SNX3: variants seen among roughly 807,000 people sequenced by gnomAD.
SNX3 encodes the protein sorting nexin 3, also known as sorting nexin-3.
Under a neutral mutation model 17.7 loss-of-function variants are expected in SNX3, and 5 were observed. That is an observed-to-expected ratio of 0.28 (90% CI 0.15 to 0.59). The LOEUF (loss-of-function observed/expected upper bound fraction) is 0.59. Ranked by LOEUF, SNX3 falls within the 20% of genes least tolerant of loss-of-function variation. The pLI, the probability that SNX3 is intolerant of heterozygous loss-of-function variation, is 0.88. For synonymous variants in SNX3, 91 were observed against 76.5 expected (o/e 1.19, Z -0.99); for missense variants, 132 against 206.8 (o/e 0.64, Z 2.22).
At chr6:108,257,256 T>C (rs1230554985) in intron 1 of SNX3, among the ~76,000 whole-genome samples, 2 of 152,158 alleles carry the variant, frequency 1.3e-5, no homozygotes, top group African/African-American at 2.4e-5. Flanking sequence ...AGGTGGCTCA[T>C]GCCTGTAATT....
intron 2 of SNX3, among the ~76,000 whole-genome samples, chr6:108,215,773 TA>T (rs1351436163): frequency 1.3e-5 from 2 of 151,322 alleles, no homozygotes; most frequent in Non-Finnish European, 2.9e-5. Context: ...TCTACAAAAA[TA>T]AAAAAAACTT....
chr6:108,233,685 G>A (rs1775237984), intron 1 of SNX3, among the ~76,000 whole-genome samples: 1 of 152,182 alleles, frequency 6.6e-6, no homozygotes, highest in Admixed American at 6.5e-5. Flanking sequence ...GGAGGCGGAG[G>A]TTGCAGTGAG....
At chr6:108,220,920 G>T (rs1167113162) in intron 2 of SNX3, among the ~76,000 whole-genome samples, 1 of 151,946 alleles carries the variant, frequency 6.6e-6, no homozygotes, top group Non-Finnish European at 1.5e-5. Context: ...GATGGAGGTT[G>T]CAGTGAGCCG....
chr6:108,238,826 A>C lies in SNX3; in HGVS notation c.163-15781T>G, dbSNP rs1775432236. 3.3e-5 allele frequency among the ~76,000 whole-genome samples: 5 copies of C among 152,226 alleles called. No homozygotes were observed. In the South Asian group the frequency reaches 1.0e-3, roughly 32 times the overall value. ...CATGGGGTGGGGGGAAAATGCAAACAAACATATGTAAGTATAATTCAATAT... is the reference window on the plus strand; with the variant it reads ...CATGGGGTGGGGGGAAAATGCAAACCAACATATGTAAGTATAATTCAATAT... On this transcript the variant is annotated intron_variant, in intron 1 of 3. Transcript: ENST00000230085.
intron 1 of SNX3, among the ~76,000 whole-genome samples, chr6:108,244,034 G>A (rs1470896044): frequency 1.3e-5 from 2 of 152,184 alleles, no homozygotes; most frequent in Non-Finnish European, 2.9e-5. Context: ...AAAGTAGACT[G>A]TAAAACACAA....
intron 1 of SNX3, among the ~76,000 whole-genome samples, chr6:108,258,911 T>C (rs1776107806): frequency 6.6e-6 from 1 of 152,118 alleles, no homozygotes; most frequent in African/African-American, 2.4e-5. Flanking sequence ...TTTAATATAA[T>C]GCATTCAGCA....
chr6:108,249,640 G>A (rs1356470853), intron 1 of SNX3, among the ~76,000 whole-genome samples: 1 of 152,064 alleles, frequency 6.6e-6, no homozygotes, highest in African/African-American at 2.4e-5. Flanking sequence ...TTACATAAAA[G>A]GTTTCGAGTG....
At chr6:108,214,015 TA>T (rs929264862) in intron 3 of SNX3, among the ~76,000 whole-genome samples, 2 of 152,172 alleles carry the variant, frequency 1.3e-5, no homozygotes, top group African/African-American at 4.8e-5. Flanking sequence ...CAAGAGTTTC[TA>T]AAGTAAAAAA....
At chr6:108,226,939 T>TA (rs1774989031) in intron 1 of SNX3, among the ~76,000 whole-genome samples, 1 of 152,172 alleles carries the variant, frequency 6.6e-6, no homozygotes, top group Admixed American at 6.5e-5. Flanking sequence ...GTTCATTGTA[T>TA]AAATGACTAA....
intron 1 of SNX3, among the ~76,000 whole-genome samples, chr6:108,233,084 A>T (rs995192477): frequency 3.9e-5 from 6 of 152,252 alleles, no homozygotes; most frequent in African/African-American, 1.2e-4. Flanking sequence ...TATAATTTCC[A>T]AAACAGTAGA....
chr6:108,220,153 G>A (rs976098714), intron 2 of SNX3, among the ~76,000 whole-genome samples: 1 of 151,834 alleles, frequency 6.6e-6, no homozygotes, highest in Non-Finnish European at 1.5e-5. Flanking sequence ...AGTAAGCTAA[G>A]GTTAATTTAT....
intron 2 of SNX3, among the ~76,000 whole-genome samples, chr6:108,215,399 C>T (rs1039232183): frequency 6.6e-6 from 1 of 151,802 alleles, no homozygotes; most frequent in Non-Finnish European, 1.5e-5. Flanking sequence ...TTACCATCTG[C>T]ATACAGTCTT....
intron 1 of SNX3, among the ~76,000 whole-genome samples, chr6:108,253,666 T>G (rs1179368244): frequency 6.6e-6 from 1 of 152,208 alleles, no homozygotes; most frequent in Non-Finnish European, 1.5e-5. Flanking sequence ...GTTTTACTAT[T>G]TTAGAATCTA....
chr6:108,221,522 C>T (rs1407955250), intron 2 of SNX3, among the ~76,000 whole-genome samples: 1 of 127,416 alleles, frequency 7.8e-6, no homozygotes, highest in Non-Finnish European at 1.6e-5. Flanking sequence ...ACAAGGAATA[C>T]AGTATTACAC....
At chr6:108,214,243 T>C (rs1189942384) in intron 3 of SNX3, among the ~76,000 whole-genome samples, 2 of 152,246 alleles carry the variant, frequency 1.3e-5, no homozygotes, top group African/African-American at 4.8e-5. Context: ...TAATTTTAAA[T>C]GTAATTTGCA....
At chr6:108,256,400 A>G (rs1267993782) in intron 1 of SNX3, among the ~76,000 whole-genome samples, 1 of 152,252 alleles carries the variant, frequency 6.6e-6, no homozygotes, top group Non-Finnish European at 1.5e-5. Context: ...CAGAAAATGT[A>G]GTTGATCACT....
chr6:108,223,207 C>T (rs1055635038), intron 1 of SNX3, among the ~76,000 whole-genome samples, 162 bp from the exon 2 acceptor site: 3 of 152,136 alleles, frequency 2.0e-5, no homozygotes, highest in Non-Finnish European at 2.9e-5. Flanking sequence ...GGCACGATCT[C>T]GGCTCACTGC....
At chr6:108,246,313 CTTTTTTTTTTTTTTT>C (rs71015538) in intron 1 of SNX3, among the ~76,000 whole-genome samples, 8 of 47,982 alleles carry the variant, frequency 1.7e-4, no homozygotes, top group Admixed American at 6.0e-4. Context: ...TTTGAGCATT[CTTTTTTTTTTTTTTT>C]TTTTTTTTTT....
chr6:108,242,015 T>C (rs1190489504), intron 1 of SNX3, among the ~76,000 whole-genome samples: 1 of 152,104 alleles, frequency 6.6e-6, no homozygotes, highest in Non-Finnish European at 1.5e-5. Flanking sequence ...AAACACTGAA[T>C]TGGACCTCTA....
Sources: allele counts gnomAD v4.1 joint callset (sites outside exome capture counted in the v4.1 genomes callset), GRCh38; gene constraint gnomAD v4.1.1; transcripts MANE v1.5; gene names NCBI Gene and HGNC (gene_info 2026-07-23, HGNC 2026-07-21).